UNC119B: variants seen among roughly 807,000 people sequenced by gnomAD.
UNC119B encodes the protein unc-119 lipid binding chaperone B.
In UNC119B, 16 loss-of-function variants were observed where a neutral mutation model predicts 23.4. The observed-to-expected ratio is 0.68, with a 90% CI of 0.46 to 1.04. The LOEUF is 1.04. Ranked by LOEUF, UNC119B falls within the 50% of genes least tolerant of loss-of-function variation. The probability of loss-of-function intolerance (pLI) is 0.00; values close to 1 mark genes in which losing one functional copy is unlikely to be tolerated. For missense variants in UNC119B, 350 were observed against 361.3 expected (o/e 0.97, Z 0.25); for synonymous variants, 144 against 145.4 (o/e 0.99, Z 0.07).
intron 1 of UNC119B, among the ~76,000 whole-genome samples, chr12:120,712,062 C>T (rs1882682809): frequency 6.6e-6 from 1 of 152,166 alleles, no homozygotes; most frequent in South Asian, 2.1e-4. Flanking sequence ...ACCTCATGCC[C>T]TCTCCTGCCA....
At chr12:120,710,996 T>G (rs1209215632) in intron 1 of UNC119B, 2 of 278,184 alleles carry the variant, frequency 7.2e-6, no homozygotes, top group African/African-American at 4.4e-5. Flanking sequence ...CGGACCTGTT[T>G]GGGTAGAGGG....
intron 2 of UNC119B, among the ~76,000 whole-genome samples, chr12:120,715,039 A>C (rs941627394): frequency 3.3e-5 from 5 of 151,998 alleles, no homozygotes; most frequent in Non-Finnish European, 5.9e-5. Flanking sequence ...AAATACAAAA[A>C]AATTAGCCAG....
At position 120,722,420 on chromosome 12, in the gene UNC119B, C is replaced by G. The variant is rs1216202527; in HGVS notation, c.*2388C>G. Reference sequence around the variant, plus strand: ...TGTAAACCAGTATGAGTTTGAAATTCAAGCGTTTGTACCTGAGTTGGGGAG... The same window carrying G: ...TGTAAACCAGTATGAGTTTGAAATTGAAGCGTTTGTACCTGAGTTGGGGAG... On this transcript the variant is annotated 3_prime_UTR_variant, in exon 5 of 5. Coordinates refer to ENST00000344651, the MANE Select transcript of UNC119B (RefSeq NM_001080533.3). The G allele has an allele frequency of 2.6e-5, 4 of 152,200 alleles. No individual in the cohort carries two copies. The highest frequency in any genetic ancestry group is 4.4e-5 in the Non-Finnish European group (3 of 68,050). The allele number at this position is 152,200 out of a possible 1,614,324, so 9.4% of individuals were successfully genotyped here.
At chr12:120,712,160 C>T (rs1882684147) in intron 1 of UNC119B, among the ~76,000 whole-genome samples, 1 of 152,200 alleles carries the variant, frequency 6.6e-6, no homozygotes, top group Admixed American at 6.5e-5. Flanking sequence ...GGGATTGTTG[C>T]TCATTGTCCA....
rs55906857 is a variant in UNC119B at position 120,715,521 on chromosome 12, C to CTTTTTTTTTTTTTTT, written c.359-1092_359-1078dup. 9.8e-5 allele frequency among the ~76,000 whole-genome samples: 7 copies of CTTTTTTTTTTTTTTT among 71,484 alleles called. 1 individual carries two copies. Among genetic ancestry groups the CTTTTTTTTTTTTTTT allele is most frequent in the Non-Finnish European group, 1.4e-4 (6 of 42,496 alleles). The allele number at this position is 71,484 out of a possible 152,430, so 46.9% of individuals were successfully genotyped here. On this transcript the variant is annotated intron_variant, in intron 2 of 4. Transcript: ENST00000344651. ...ACATTAGAATGCTTGTTCTCTGATT[C>CTTTTTTTTTTTTTTT]TTTTTTTTTTTTTTTTTTTTTTTTT...
rs11065221 is a variant in UNC119B, at chr12:120,714,893, T to A, written c.358+1506T>A. The stretch of plus-strand genomic sequence containing the variant: ...TAAGGATCTTGATTCACTTGTAATA[T>A]TCCCCACATTGAGGCTGGGTGCGGT... On this transcript the variant is annotated intron_variant, in intron 2 of 4. Coordinates refer to ENST00000344651, the MANE Select transcript of UNC119B (RefSeq NM_001080533.3). Among the ~76,000 whole-genome samples, 2,992 of 152,264 alleles carry A rather than the reference T, an allele frequency of 0.02. 250 individuals carry two copies. The East Asian group carries it at 0.28, about 14-fold the overall frequency.
chr12:120,721,855 T>G lies in UNC119B; in HGVS notation c.*1823T>G, dbSNP rs1254895635. The G allele has an allele frequency of 6.5e-6, 1 of 152,742 alleles. No individual in the cohort carries two copies. Among genetic ancestry groups the G allele is most frequent in the African/African-American group, 2.4e-5 (1 of 41,470 alleles). The allele number at this position is 152,742 out of a possible 1,614,324, so 9.5% of individuals were successfully genotyped here. A position where few individuals can be genotyped will look rare whatever the true frequency, so the allele number is the denominator to read the frequency against. On this transcript the variant is annotated 3_prime_UTR_variant, in exon 5 of 5. Coordinates refer to ENST00000344651, the MANE Select transcript of UNC119B (RefSeq NM_001080533.3). ...GCAGGGGAAAGCTGCATTGCCATTG[T>G]TCCCACCTCCTCACTGGCAGAAAGA...
At chr12:120,715,580 C>T (rs1882764560) in intron 2 of UNC119B, among the ~76,000 whole-genome samples, 1 of 118,026 alleles carries the variant, frequency 8.5e-6, no homozygotes, top group South Asian at 2.8e-4. Context: ...GTTGCCCAGG[C>T]TGGAGTGCAA....
intron 2 of UNC119B, among the ~76,000 whole-genome samples, chr12:120,713,863 T>C (rs1882718071): frequency 6.6e-6 from 1 of 152,186 alleles, no homozygotes; most frequent in African/African-American, 2.4e-5. Context: ...ATGAGGCAGT[T>C]TGAGCCATCT....
chr12:120,712,985 G>T (rs1399835505), intron 1 of UNC119B, among the ~76,000 whole-genome samples: 2 of 152,218 alleles, frequency 1.3e-5, no homozygotes, highest in Non-Finnish European at 2.9e-5. Flanking sequence ...CTTGATAGAT[G>T]ATGAAAGATT....
In UNC119B at chr12:120,721,983, C is replaced by T. The variant is rs1882918881; in HGVS notation, c.*1951C>T. On this transcript the variant is annotated 3_prime_UTR_variant, in exon 5 of 5. Transcript: ENST00000344651. ...CAAGCGTAACAACAATCCCTTCTCTCTTTGACAGAGGCCCAGGTGGGACAG... is the reference window on the plus strand; with the variant it reads ...CAAGCGTAACAACAATCCCTTCTCTTTTTGACAGAGGCCCAGGTGGGACAG... 1 of 152,662 alleles carries T rather than the reference C, an allele frequency of 6.6e-6. No individual in the cohort carries two copies. The highest frequency in any genetic ancestry group is 2.4e-5 in the African/African-American group (1 of 41,452). The allele number at this position is 152,662 out of a possible 1,614,324, so 9.5% of individuals were successfully genotyped here. A position where few individuals can be genotyped will look rare whatever the true frequency, so the allele number is the denominator to read the frequency against.
At chr12:120,717,508 C>T (rs770183702) in intron 4 of UNC119B, among the ~76,000 whole-genome samples, 3 of 151,800 alleles carry the variant, frequency 2.0e-5, no homozygotes, top group African/African-American at 4.8e-5. Context: ...CCACTCTCCT[C>T]GGCCTCCCAC....
intron 1 of UNC119B, chr12:120,711,561 C>T (rs1373292865): frequency 6.6e-6 from 1 of 152,346 alleles, no homozygotes; most frequent in Non-Finnish European, 1.5e-5. Context: ...GACTTGACGT[C>T]TTTTCTCTTG....
Position 120,710,684 on chromosome 12 carries a change from C to T in UNC119B, c.210C>T (p.Pro70=), listed in dbSNP as rs1409811839. ...QELLALDTIR[P]EHVLRLSRVT... ...TGCTGGCGCTGGACACCATCCGGCC[C>T]GAGCACGTCCTGCGCCTCAGCCGGG... The change falls in exon 1 of 5, where the codon CCC becomes CCT. Residue 70 remains proline, a synonymous_variant. Transcript: ENST00000344651. 6.9e-6 allele frequency: 10 copies of T among 1,444,468 alleles called. No individual in the cohort carries two copies. The highest frequency in any genetic ancestry group is 2.6e-5 in the Admixed American group (1 of 37,776). The allele number at this position is 1,444,468 out of a possible 1,614,324, so 89.5% of individuals were successfully genotyped here.
chr12:120,719,764 C>T (rs1291092287), intron 4 of UNC119B, among the ~76,000 whole-genome samples, 156 bp from the exon 5 acceptor site: 1 of 152,092 alleles, frequency 6.6e-6, no homozygotes, highest in African/African-American at 2.4e-5. Context: ...TCAAGGGCTG[C>T]CTCCCTCTGT....
Position 120,713,378 on chromosome 12 carries a change from T to C in UNC119B, c.349T>C (p.Cys117Arg). 6.2e-7 allele frequency: 1 copy of C among 1,613,664 alleles called. No homozygotes were observed. Among genetic ancestry groups the C allele is most frequent in the East Asian group, 2.2e-5 (1 of 44,874 alleles). The change falls in exon 2 of 5, where the codon TGC (cysteine) becomes CGC (arginine). Residue 117 changes from cysteine to arginine, a missense_variant. Coordinates refer to ENST00000344651, the MANE Select transcript of UNC119B (RefSeq NM_001080533.3). ...AGTACTTTTTGAGATTGCCAAACCT[T>C]GCGTTTCAGGTAGGCCTCTACGTTG... Reference protein sequence around the residue: ...GTVLFEIAKPCVSDQEEDEEE... With the variant: ...GTVLFEIAKPRVSDQEEDEEE...
intron 1 of UNC119B, chr12:120,710,966 G>T (rs1325745148): frequency 6.2e-6 from 2 of 325,010 alleles, no homozygotes; most frequent in Non-Finnish European, 1.1e-5. Flanking sequence ...CCCTTCGGCC[G>T]GTCGGCTCCC....
chr12:120,710,924 C>T (rs1882651157), intron 1 of UNC119B: 3 of 420,722 alleles, frequency 7.1e-6, no homozygotes, highest in Non-Finnish European at 1.1e-5. Flanking sequence ...TGGGCTGGAC[C>T]GCATTCCTGT....
In UNC119B at chr12:120,723,245, T is replaced by G. The variant is rs1055070; in HGVS notation, c.*3213T>G. 0.034 allele frequency: 5,290 copies of G among 154,718 alleles called. 123 individuals are homozygous for G. The highest frequency in any genetic ancestry group is 0.065 in the Admixed American group (999 of 15,302). 9.6% of individuals were successfully genotyped at this position (154,718 alleles called of 1,614,324 possible). ...GTGTCCTGAAATTCACAGGACTGAC[T>G]CCTCACCCCAGTGCACGAGGATTCC... On this transcript the variant is annotated 3_prime_UTR_variant, in exon 5 of 5. Coordinates refer to ENST00000344651, the MANE Select transcript of UNC119B (RefSeq NM_001080533.3).
Sources: allele counts gnomAD v4.1 joint callset (sites outside exome capture counted in the v4.1 genomes callset), GRCh38; gene constraint gnomAD v4.1.1; transcripts MANE v1.5; gene names NCBI Gene and HGNC (gene_info 2026-07-23, HGNC 2026-07-21).